The following LIN7A variants were observed in gnomAD, a reference collection of about 807,000 sequenced individuals.
The protein encoded by LIN7A is lin-7 cell polarity scaffold A.
Under a neutral mutation model 29.8 loss-of-function variants are expected in LIN7A, and 25 were observed. That is an observed-to-expected ratio of 0.84 (90% CI 0.61 to 1.17). The LOEUF (loss-of-function observed/expected upper bound fraction) is 1.17, where lower values mean the gene tolerates loss of function less well. LIN7A is among the 50% of genes most tolerant of loss of function. The pLI, the probability that LIN7A is intolerant of heterozygous loss-of-function variation, is 0.00. For missense variants in LIN7A, 239 were observed against 287.0 expected, an observed-to-expected ratio of 0.83 and a Z score of 1.21; for synonymous variants, 118 against 107.5, an observed-to-expected ratio of 1.10 and a Z score of -0.60.
At chr12:80,904,729 A>ATT (rs1387525650) in intron 1 of LIN7A, among the ~76,000 whole-genome samples, 1 of 152,158 alleles carries the variant, frequency 6.6e-6, no homozygotes, top group African/African-American at 2.4e-5. Context: ...GATTTTGGAT[A>ATT]TTTTTGATTT....
Position 80,793,591 on chromosome 12 carries a change from A to C in LIN7A, c.*4136T>G, listed in dbSNP as rs1870308420. 1 of 152,104 alleles carries C rather than the reference A, an allele frequency of 6.6e-6. No homozygotes were observed. Among genetic ancestry groups the C allele is most frequent in the Non-Finnish European group, 1.5e-5 (1 of 68,008 alleles). 9.4% of individuals were successfully genotyped at this position (152,104 alleles called of 1,614,324 possible). A position where few individuals can be genotyped will look rare whatever the true frequency, so the allele number is the denominator to read the frequency against. ...TCTTGTTTGCTGTTGCATTTCCAGA[A>C]CCTAGCATGCACTAGGTACACAATA... On this transcript the variant is annotated 3_prime_UTR_variant, in exon 6 of 6. Coordinates refer to ENST00000552864, the MANE Select transcript of LIN7A (RefSeq NM_004664.4).
At chr12:80,909,647 C>T (rs1380330321) in intron 1 of LIN7A, among the ~76,000 whole-genome samples, 2 of 152,012 alleles carry the variant, frequency 1.3e-5, no homozygotes, top group African/African-American at 4.8e-5. Context: ...TAATCCCATT[C>T]ATGAGGGCCC....
rs888143978 is a variant in LIN7A at position 80,797,578 on chromosome 12, C to T, written c.*149G>A. ...CCCAGAGAAAGAAGGTGTTGAGTTG[C>T]CTTGGTAAAGAATTTATACACCATG... On this transcript the variant is annotated 3_prime_UTR_variant, in exon 6 of 6. Transcript: ENST00000552864. The T allele has an allele frequency of 6.6e-6, 1 of 152,576 alleles. No homozygotes were observed. The highest frequency in any genetic ancestry group is 1.5e-5 in the Non-Finnish European group (1 of 68,034). 9.5% of individuals were successfully genotyped at this position (152,576 alleles called of 1,614,324 possible).
chr12:80,864,611 G>T (rs1012677086), intron 2 of LIN7A, among the ~76,000 whole-genome samples: 1 of 152,100 alleles, frequency 6.6e-6, no homozygotes, highest in African/African-American at 2.4e-5. Flanking sequence ...TAGCAGAGAT[G>T]CTAACTCATT....
intron 2 of LIN7A, among the ~76,000 whole-genome samples, chr12:80,866,428 T>C (rs935320863): frequency 2.6e-5 from 4 of 152,218 alleles, no homozygotes; most frequent in African/African-American, 9.6e-5. Flanking sequence ...GTGAACCTAC[T>C]GGCACAAATA....
At chr12:80,832,237 G>A (rs190236630) in intron 4 of LIN7A, among the ~76,000 whole-genome samples, 1 of 152,274 alleles carries the variant, frequency 6.6e-6, no homozygotes, top group East Asian at 1.9e-4. Context: ...AGGATAATTA[G>A]ATCAAAGTAA....
At chr12:80,930,143 C>T (rs1234246843) in intron 1 of LIN7A, among the ~76,000 whole-genome samples, 3 of 152,154 alleles carry the variant, frequency 2.0e-5, no homozygotes, top group Admixed American at 1.3e-4. Context: ...AACAGTTAGA[C>T]TTGGACTAGC....
Position 80,889,231 on chromosome 12 carries a change from T to C in LIN7A, c.201+20A>G. On this transcript the variant is annotated intron_variant, in intron 2 of 5. Transcript: ENST00000552864. Reference sequence around the variant, plus strand: ...GAAGACATATGGCTGAATTTAGTTATTAAAATTTTAGTGCCATACCTCTCG... The same window carrying C: ...GAAGACATATGGCTGAATTTAGTTACTAAAATTTTAGTGCCATACCTCTCG... The C allele has an allele frequency of 3.0e-6, 4 of 1,314,988 alleles. No individual in the cohort carries two copies. Among genetic ancestry groups the C allele is most frequent in the African/African-American group, 1.4e-5 (1 of 69,192 alleles). 81.5% of individuals were successfully genotyped at this position (1,314,988 alleles called of 1,614,324 possible). A position where few individuals can be genotyped will look rare whatever the true frequency, so the allele number is the denominator to read the frequency against.
intron 1 of LIN7A, 193 bp downstream of exon 1, chr12:80,937,448 G>T: frequency 2.4e-6 from 1 of 412,362 alleles, no homozygotes; most frequent in Non-Finnish European, 4.3e-6. Context: ...AGTGGGAAGG[G>T]GCAGCGGGAA....
At chr12:80,876,047 T>G (rs1014328598) in intron 2 of LIN7A, among the ~76,000 whole-genome samples, 1 of 109,324 alleles carries the variant, frequency 9.1e-6, no homozygotes, top group African/African-American at 3.5e-5. Context: ...GTTTTATTAT[T>G]TTTATACACA....
chr12:80,869,494 G>C (rs573003421), intron 2 of LIN7A, among the ~76,000 whole-genome samples: 2 of 152,048 alleles, frequency 1.3e-5, no homozygotes, highest in Non-Finnish European at 2.9e-5. Flanking sequence ...CACAGGAGAG[G>C]CTTGGCAAAG....
At chr12:80,817,568 C>A (rs1871595371) in intron 4 of LIN7A, among the ~76,000 whole-genome samples, 2 of 152,176 alleles carry the variant, frequency 1.3e-5, no homozygotes, top group Admixed American at 6.5e-5. Context: ...TCAGTCATTC[C>A]TTTAGATTAA....
chr12:80,860,318 T>C (rs1016511965), intron 2 of LIN7A, among the ~76,000 whole-genome samples: 5 of 152,220 alleles, frequency 3.3e-5, no homozygotes, highest in African/African-American at 1.2e-4. Flanking sequence ...AAGCTTAGTA[T>C]TTCAGAAAAA....
intron 4 of LIN7A, among the ~76,000 whole-genome samples, chr12:80,829,531 A>C (rs903080614): frequency 6.6e-6 from 1 of 152,194 alleles, no homozygotes; most frequent in African/African-American, 2.4e-5. Context: ...CAATGGAAAA[A>C]TCATAAGGAA....
At position 80,795,700 on chromosome 12, in the gene LIN7A, G is replaced by A. The variant is rs1423717478; in HGVS notation, c.*2027C>T. ...AGTGATTTCCCTTCATGAGAATCCT[G>A]TGGCATTGCCTGAATAGCTTTAATA... is the stretch of plus-strand genomic sequence containing the variant. On this transcript the variant is annotated 3_prime_UTR_variant, in exon 6 of 6. Transcript: ENST00000552864. The A allele has an allele frequency of 6.6e-6, 1 of 152,082 alleles. No individual in the cohort carries two copies. Among genetic ancestry groups the A allele is most frequent in the African/African-American group, 2.4e-5 (1 of 41,416 alleles). The allele number at this position is 152,082 out of a possible 1,614,324, so 9.4% of individuals were successfully genotyped here. A position where few individuals can be genotyped will look rare whatever the true frequency, so the allele number is the denominator to read the frequency against.
At chr12:80,824,098 AC>A in intron 4 of LIN7A, among the ~76,000 whole-genome samples, 1 of 152,328 alleles carries the variant, frequency 6.6e-6, no homozygotes, top group African/African-American at 2.4e-5. Flanking sequence ...ATTTGAAAAG[AC>A]AAATAAAATT....
intron 1 of LIN7A, among the ~76,000 whole-genome samples, chr12:80,894,766 A>G (rs1875799673): frequency 6.6e-6 from 1 of 152,174 alleles, no homozygotes; most frequent in Admixed American, 6.5e-5. Context: ...TCCAGAACAA[A>G]ATGAGTTAAT....
chr12:80,918,813 A>G (rs997569303), intron 1 of LIN7A, among the ~76,000 whole-genome samples: 4 of 151,498 alleles, frequency 2.6e-5, no homozygotes, highest in Non-Finnish European at 5.9e-5. Flanking sequence ...AAGCAAATAC[A>G]GTCATGGACT....
intron 2 of LIN7A, among the ~76,000 whole-genome samples, chr12:80,881,096 T>C (rs1253079677): frequency 6.6e-6 from 1 of 152,174 alleles, no homozygotes; most frequent in Non-Finnish European, 1.5e-5. Flanking sequence ...AAAAGTTTCA[T>C]GTTAGTGCAA....
Sources: allele counts gnomAD v4.1 joint callset (sites outside exome capture counted in the v4.1 genomes callset), GRCh38; gene constraint gnomAD v4.1.1; transcripts MANE v1.5; gene names NCBI Gene and HGNC (gene_info 2026-07-23, HGNC 2026-07-21).